Variants in ZDHHC19 observed in about 807,000 individuals in gnomAD.
ZDHHC19 encodes zDHHC palmitoyltransferase 19.
ZDHHC19 carries 30 observed loss-of-function variants against 33.9 expected under a neutral mutation model. That is an observed-to-expected ratio of 0.88 (90% confidence interval 0.66 to 1.20). ZDHHC19 has a LOEUF of 1.20. Ranked by LOEUF, ZDHHC19 falls within the 50% of genes most tolerant of loss-of-function variation. The probability of loss-of-function intolerance (pLI) is 0.00; values close to 1 mark genes in which losing one functional copy is unlikely to be tolerated. For missense variants in ZDHHC19, 364 were observed against 401.1 expected, an observed-to-expected ratio of 0.91 and a Z score of 0.79; for synonymous variants, 178 against 167.6, an observed-to-expected ratio of 1.06 and a Z score of -0.48.
chr3:196,209,422 C>T lies in ZDHHC19; in HGVS notation c.362G>A (p.Arg121His), dbSNP rs775236590. The change falls in exon 3 of 8, where the codon CGC becomes CAC. Residue 121 changes from arginine to histidine, a missense_variant. Transcript: ENST00000296326. Reference protein sequence around the residue: ...LQWCPKCCFHRPPRTYHCPWC... With the variant: ...LQWCPKCCFHHPPRTYHCPWC... ...GGGGCAGTGGTAAGTCCGGGGCGGG[C>T]GGTGGAAGCAGCACTTTGGACACCA... The T allele has an allele frequency of 1.1e-4, 169 of 1,608,640 alleles. No homozygotes were observed. In the Middle Eastern group the frequency reaches 1.5e-3, roughly 14 times the overall value.
chr3:196,199,032 C>A (rs932856843), intron 5 of ZDHHC19, 158 bp from the exon 6 acceptor site: 7 of 621,664 alleles, frequency 1.1e-5, no homozygotes, highest in Non-Finnish European at 2.0e-5. Flanking sequence ...CCACCACTGC[C>A]CCATCCTCCT....
At chr3:196,201,808 G>A (rs780762316) in intron 5 of ZDHHC19, among the ~76,000 whole-genome samples, 1 of 152,170 alleles carries the variant, frequency 6.6e-6, no homozygotes. Flanking sequence ...CTCCTGCTCC[G>A]ATTCTGTGTC....
chr3:196,201,407 A>T (rs767646766), intron 5 of ZDHHC19, among the ~76,000 whole-genome samples: 18 of 151,394 alleles, frequency 1.2e-4, no homozygotes, highest in Non-Finnish European at 1.8e-4. Flanking sequence ...CCCACGCAAG[A>T]TGCTTTCAGA....
chr3:196,200,359 A>T (rs866306098), intron 5 of ZDHHC19, among the ~76,000 whole-genome samples: 1 of 123,994 alleles, frequency 8.1e-6, no homozygotes, highest in Non-Finnish European at 1.6e-5. Context: ...TATATATATA[A>T]TTTTTTTTTT....
intron 5 of ZDHHC19, among the ~76,000 whole-genome samples, chr3:196,206,446 G>A (rs372139328): frequency 2.7e-4 from 41 of 151,274 alleles, no homozygotes; most frequent in Middle Eastern, 3.7e-3. Context: ...TCCATCTCCC[G>A]GGCTCAAACA....
At chr3:196,199,783 A>C (rs2108712973) in intron 5 of ZDHHC19, 1 of 152,176 alleles carries the variant, frequency 6.6e-6, no homozygotes, top group South Asian at 2.1e-4. Context: ...ATCTCTACTA[A>C]AAATACAAAA....
At chr3:196,207,649 GCCCCCAGGCCC>G (rs1722862173) in intron 4 of ZDHHC19, 146 bp from the exon 5 acceptor site, 3 of 21,460 alleles carry the variant, frequency 1.4e-4, no homozygotes, top group African/African-American at 7.7e-4. Flanking sequence ...CCCTGGCCCC[GCCCCCAGGCCC>G]GACTCCGCCC....
At chr3:196,209,225 T>C in intron 3 of ZDHHC19, 151 bp downstream of exon 3, 1 of 1,105,322 alleles carries the variant, frequency 9.0e-7, no homozygotes, top group African/African-American at 1.6e-5. Flanking sequence ...AACACATGAG[T>C]GACCAAGGGT....
At chr3:196,200,822 AT>A (rs139248657) in intron 5 of ZDHHC19, among the ~76,000 whole-genome samples, 2 of 148,986 alleles carry the variant, frequency 1.3e-5, no homozygotes, top group African/African-American at 2.5e-5. Flanking sequence ...CCAATTTTTA[AT>A]TTTTTTTGCA....
intron 5 of ZDHHC19, among the ~76,000 whole-genome samples, chr3:196,200,677 C>A (rs1364222444): frequency 2.2e-5 from 3 of 135,420 alleles, no homozygotes; most frequent in African/African-American, 8.5e-5. Flanking sequence ...TTTTTAGACG[C>A]AGTTTTGCTC....
chr3:196,210,285 A>G (rs146363725), intron 2 of ZDHHC19, among the ~76,000 whole-genome samples: 21 of 139,644 alleles, frequency 1.5e-4, no homozygotes, highest in South Asian at 2.3e-4. Context: ...AAAGAAAGAA[A>G]GAAGGAAGGA....
intron 5 of ZDHHC19, among the ~76,000 whole-genome samples, chr3:196,206,896 C>G (rs1420620564): frequency 6.6e-6 from 1 of 152,088 alleles, no homozygotes; most frequent in Non-Finnish European, 1.5e-5. Context: ...ATCAACATTC[C>G]ACAGACTTTC....
chr3:196,211,119 TC>T (rs745966035), intron 1 of ZDHHC19, 50 bp downstream of exon 1: 20 of 1,613,638 alleles, frequency 1.2e-5, no homozygotes, highest in Non-Finnish European at 5.1e-6. Context: ...ATCTTCTGTT[TC>T]CCTGGCTGTC....
In ZDHHC19 at chr3:196,210,864, C is replaced by A. The variant is rs1256032766; in HGVS notation, c.147-127G>T. The stretch of plus-strand genomic sequence containing the variant: ...GATCTAAAAATCCAGGCTCCAAATA[C>A]CCAGGCAGACTCATAATGGCTCCAC... On this transcript the variant is annotated intron_variant, in intron 1 of 7. Transcript: ENST00000296326. The A allele has an allele frequency of 2.9e-6, 4 of 1,391,596 alleles. No individual in the cohort carries two copies. In the Admixed American group the frequency reaches 1.1e-4, roughly 38 times the overall value. 86.2% of individuals were successfully genotyped at this position (1,391,596 alleles called of 1,614,324 possible).
chr3:196,200,357 T>A (rs71617339), intron 5 of ZDHHC19, among the ~76,000 whole-genome samples: 245 of 52,414 alleles, frequency 4.7e-3, no homozygotes, highest in Non-Finnish European at 5.6e-3. Flanking sequence ...TATATATATA[T>A]AATTTTTTTT....
intron 5 of ZDHHC19, among the ~76,000 whole-genome samples, chr3:196,205,307 C>T (rs781236125): frequency 1.3e-5 from 2 of 152,098 alleles, no homozygotes; most frequent in African/African-American, 2.4e-5. Flanking sequence ...CAATGCAATA[C>T]CGTACGGCAA....
At chr3:196,200,300 T>A (rs1722159356) in intron 5 of ZDHHC19, among the ~76,000 whole-genome samples, 1 of 146,668 alleles carries the variant, frequency 6.8e-6, no homozygotes, top group Non-Finnish European at 1.5e-5. Flanking sequence ...CTAATAAAAA[T>A]ATATTGACAG....
chr3:196,198,217 A>C, intron 7 of ZDHHC19, 59 bp downstream of exon 7: 1 of 1,394,784 alleles, frequency 7.2e-7, no homozygotes. Context: ...CACCCTCACA[A>C]CCTGCAGACA....
At chr3:196,208,162 G>A (rs1355964272) in intron 4 of ZDHHC19, among the ~76,000 whole-genome samples, 1 of 151,964 alleles carries the variant, frequency 6.6e-6, no homozygotes, top group Non-Finnish European at 1.5e-5. Context: ...GCCTCCCAAA[G>A]TGCCGGAATT....
Sources: allele counts gnomAD v4.1 joint callset (sites outside exome capture counted in the v4.1 genomes callset), GRCh38; gene constraint gnomAD v4.1.1; transcripts MANE v1.5; gene names NCBI Gene and HGNC (gene_info 2026-07-23, HGNC 2026-07-21).